Variants in IL17B observed in about 807,000 individuals in gnomAD.
IL17B encodes interleukin 17B.
A neutral mutation model predicts 14.7 loss-of-function variants in IL17B; 14 were observed. That is an observed-to-expected ratio of 0.95 (90% CI 0.63 to 1.49). The LOEUF is 1.49. IL17B is among the 40% of genes most tolerant of loss of function. IL17B has a pLI of 0.00. For synonymous variants in IL17B, 105 were observed against 94.8 expected (o/e 1.11, Z -0.62); for missense variants, 233 against 252.8 (o/e 0.92, Z 0.53).
chr5:149,385,359 AAAAAC>A, intron 1 of IL17B, among the ~76,000 whole-genome samples: 1 of 149,058 alleles, frequency 6.7e-6, no homozygotes, highest in Non-Finnish European at 1.5e-5. Context: ...CCATCTCAGA[AAAAAC>A]AAAAAAAAAT....
chr5:149,397,416 G>A lies in IL17B; in HGVS notation n.95+6692C>T, dbSNP rs142422685. 9.4e-3 allele frequency among the ~76,000 whole-genome samples: 1,427 copies of A among 152,240 alleles called. 17 individuals are homozygous for A. Among genetic ancestry groups the A allele is most frequent in the African/African-American group, 0.032 (1,346 of 41,550 alleles). ...ACTCCTGACCTCAGGTGATCCACCC[G>A]CCTTGGCCTCCCAAAATGGTAGGAT... On this transcript the variant is annotated intron_variant and non_coding_transcript_variant, in intron 1 of 2. Transcript: ENST00000505432.
chr5:149,394,515 A>C (rs1486628126), intron 1 of IL17B, among the ~76,000 whole-genome samples: 1 of 152,244 alleles, frequency 6.6e-6, no homozygotes, highest in African/African-American at 2.4e-5. Context: ...GTGATAATGC[A>C]CTTCTGTGGA....
At chr5:149,403,436 C>T (rs750960902) in intron 1 of IL17B, among the ~76,000 whole-genome samples, 4 of 152,050 alleles carry the variant, frequency 2.6e-5, no homozygotes, top group Non-Finnish European at 5.9e-5. Flanking sequence ...GGTTGGATTG[C>T]AAGGCAAATA....
intron 1 of IL17B, among the ~76,000 whole-genome samples, chr5:149,391,145 T>C (rs1758943659): frequency 6.6e-6 from 1 of 152,204 alleles, no homozygotes; most frequent in Non-Finnish European, 1.5e-5. Context: ...TTTTGTATTT[T>C]TGTAGAGATG....
rs890571652 is a variant in IL17B, at chr5:149,392,429, C to T, written n.95+11679G>A. Among the ~76,000 whole-genome samples, 3 of 152,248 alleles carry T rather than the reference C, an allele frequency of 2.0e-5. 1 individual carries two copies. Among genetic ancestry groups the T allele is most frequent in the African/African-American group, 4.8e-5 (2 of 41,454 alleles). The stretch of plus-strand genomic sequence containing the variant: ...AGGCAGCCCGCTGTAGAATGATACA[C>T]TCCAATAGCCAATAGCTGTTATTAA... On this transcript the variant is annotated intron_variant and non_coding_transcript_variant, in intron 1 of 2. Coordinates refer to the IL17B transcript ENST00000505432.
chr5:149,385,263 G>A (rs1180210740), intron 1 of IL17B, among the ~76,000 whole-genome samples: 1 of 152,038 alleles, frequency 6.6e-6, no homozygotes, highest in Non-Finnish European at 1.5e-5. Flanking sequence ...GCTGAGGCAG[G>A]AGAATCGCTT....
chr5:149,380,716 G>A (rs1373066805), upstream of IL17B, among the ~76,000 whole-genome samples: 3 of 152,234 alleles, frequency 2.0e-5, no homozygotes, highest in African/African-American at 7.2e-5. Flanking sequence ...ACTGAGGACG[G>A]CCCTGTCGTG....
rs564522566 is a variant in IL17B at position 149,389,368 on chromosome 5, G to C, written n.96-12343C>G. Among the ~76,000 whole-genome samples, 19 of 152,324 alleles carry C rather than the reference G, an allele frequency of 1.2e-4. No individual in the cohort carries two copies. In the East Asian group the frequency reaches 1.7e-3, roughly 14 times the overall value. On this transcript the variant is annotated intron_variant and non_coding_transcript_variant, in intron 1 of 2. Transcript: ENST00000505432. ...CAAATTTGGAAAAGAAACTTTGCTT[G>C]ATATAAAACTCAATGGCAGAGAGAC...
rs1365923961 is a variant in IL17B at position 149,376,719 on chromosome 5, A to T, written c.311+17T>A. 2.5e-6 allele frequency: 4 copies of T among 1,583,908 alleles called. No individual in the cohort carries two copies. Among genetic ancestry groups the T allele is most frequent in the African/African-American group, 2.7e-5 (2 of 74,070 alleles). On this transcript the variant is annotated intron_variant, in intron 2 of 2. Coordinates refer to ENST00000261796, the MANE Select transcript of IL17B (RefSeq NM_014443.3). ...CCCCACCCCCCAAAGACAGCTTGCC[A>T]CCACTGCCCAGCCTACCTGTAGCCC...
chr5:149,401,755 A>C (rs1759208885), intron 1 of IL17B, among the ~76,000 whole-genome samples: 1 of 152,202 alleles, frequency 6.6e-6, no homozygotes, highest in Non-Finnish European at 1.5e-5. Context: ...AAACCCTCTC[A>C]AATAAATAAA....
chr5:149,400,129 G>A (rs531811042), intron 1 of IL17B, among the ~76,000 whole-genome samples: 75 of 152,174 alleles, frequency 4.9e-4, no homozygotes, highest in Non-Finnish European at 8.4e-4. Flanking sequence ...ACCTTATTTG[G>A]AAACAGGGTT....
chr5:149,400,267 C>T (rs1352443849), intron 1 of IL17B, among the ~76,000 whole-genome samples: 1 of 151,816 alleles, frequency 6.6e-6, no homozygotes, highest in Non-Finnish European at 1.5e-5. Flanking sequence ...AAGATGAAAG[C>T]AGATATCAGG....
At chr5:149,375,820 A>G (rs930165942) in intron 2 of IL17B, among the ~76,000 whole-genome samples, 1 of 152,210 alleles carries the variant, frequency 6.6e-6, no homozygotes, top group Non-Finnish European at 1.5e-5. Context: ...CAGAGGCTGC[A>G]GTGAGCCGAG....
Position 149,377,029 on chromosome 5 carries a change from G to A in IL17B, c.22-4C>T. The A allele has an allele frequency of 3.3e-6, 5 of 1,537,332 alleles. No homozygotes were observed. The highest frequency in any genetic ancestry group is 4.4e-6 in the Non-Finnish European group (5 of 1,147,452). On this transcript the variant is annotated splice_polypyrimidine_tract_variant and splice_region_variant and intron_variant, in intron 1 of 2. Coordinates refer to ENST00000261796, the MANE Select transcript of IL17B (RefSeq NM_014443.3). The stretch of plus-strand genomic sequence containing the variant: ...TGGAAATGGTAAGAAGAAACAGCTG[G>A]GGAGGAAAGCCACAGGTCAAAGGTG...
In IL17B at chr5:149,374,339, G is replaced by A. The variant is rs369120658; in HGVS notation, c.*30C>T. 7 of 1,531,446 alleles carry A rather than the reference G, an allele frequency of 4.6e-6. No homozygotes were observed. Among genetic ancestry groups the A allele is most frequent in the Non-Finnish European group, 6.2e-6 (7 of 1,136,940 alleles). 94.9% of individuals were successfully genotyped at this position (1,531,446 alleles called of 1,614,324 possible). On this transcript the variant is annotated 3_prime_UTR_variant, in exon 3 of 3. Coordinates refer to ENST00000261796, the MANE Select transcript of IL17B (RefSeq NM_014443.3). The surrounding 1 kb of genome is among the most constrained non-coding windows in gnomAD (Gnocchi z 5.0). The stretch of plus-strand genomic sequence containing the variant: ...AAAGGTGCAAGGAGGATGGTCTCGG[G>A]CTGCTGGCCTGGCTTCTGGGCCAGG...
intron 1 of IL17B, among the ~76,000 whole-genome samples, chr5:149,378,834 C>A (rs926515625): frequency 6.6e-6 from 1 of 152,216 alleles, no homozygotes; most frequent in South Asian, 2.1e-4. Flanking sequence ...GAATCAAAGT[C>A]CCCCTCCCTC....
chr5:149,403,617 G>A (rs79299193), intron 1 of IL17B, among the ~76,000 whole-genome samples: 1,853 of 152,318 alleles, frequency 0.012, 17 homozygotes, highest in Non-Finnish European at 0.02. Context: ...CCACCTCTGA[G>A]CTGAGCCTCC....
intron 1 of IL17B, among the ~76,000 whole-genome samples, chr5:149,386,691 A>G (rs1317705457): frequency 1.3e-5 from 2 of 152,238 alleles, no homozygotes; most frequent in Non-Finnish European, 2.9e-5. Flanking sequence ...AACACCTACT[A>G]TGTGCCAGGC....
At chr5:149,399,738 T>A (rs1759171290) in intron 1 of IL17B, among the ~76,000 whole-genome samples, 1 of 152,182 alleles carries the variant, frequency 6.6e-6, no homozygotes, top group African/African-American at 2.4e-5. Context: ...AGTCCTCACC[T>A]CCTGGTTTCT....
Sources: gnomAD v4.1 joint callset for allele counts (sites outside exome capture counted in the v4.1 genomes callset) on GRCh38, gnomAD v4.1.1 for gene constraint, Gnocchi (gnomAD v3.1) non-coding constraint, MANE v1.5 for transcripts, NCBI Gene and HGNC (gene_info 2026-07-23, HGNC 2026-07-21) for gene names.